Variants in IFTAP observed in about 807,000 individuals in gnomAD.
The protein encoded by IFTAP is intraflagellar transport associated protein.
In IFTAP, 19 loss-of-function variants were observed where a neutral mutation model predicts 19.4. The ratio of observed to expected loss-of-function variants is 0.98; its 90% CI spans 0.68 to 1.44. The LOEUF (loss-of-function observed/expected upper bound fraction) is 1.44. Ranked by LOEUF, IFTAP falls within the 40% of genes most tolerant of loss-of-function variation. IFTAP has a pLI of 0.00. For missense variants in IFTAP, 240 were observed against 253.6 expected (o/e 0.95, Z 0.36); for synonymous variants, 85 against 83.5 (o/e 1.02, Z -0.10).
chr11:36,631,620 G>T (rs569276125), intron 2 of IFTAP, among the ~76,000 whole-genome samples: 4 of 151,094 alleles, frequency 2.6e-5, no homozygotes, highest in Non-Finnish European at 5.9e-5. Flanking sequence ...TGCTGGGTTA[G>T]GCTATCTGTA....
intron 1 of IFTAP, among the ~76,000 whole-genome samples, chr11:36,606,456 A>AATAC (rs1418044892): frequency 6.6e-6 from 1 of 152,032 alleles, no homozygotes; most frequent in Admixed American, 6.5e-5. Flanking sequence ...TAAATAAATA[A>AATAC]ATAAATAGTC....
chr11:36,608,572 A>G (rs1047614801), intron 1 of IFTAP, among the ~76,000 whole-genome samples: 1 of 151,716 alleles, frequency 6.6e-6, no homozygotes, highest in Non-Finnish European at 1.5e-5. Context: ...GTGAAATATC[A>G]TAAGTGAAAA....
At chr11:36,638,507 C>T (rs1853054571) in intron 4 of IFTAP, among the ~76,000 whole-genome samples, 2 of 152,144 alleles carry the variant, frequency 1.3e-5, no homozygotes, top group South Asian at 4.1e-4. Context: ...CTGAAAAGGC[C>T]ACCAGGGCTT....
intron 2 of IFTAP, among the ~76,000 whole-genome samples, chr11:36,626,921 G>T (rs763855137): frequency 6.6e-6 from 1 of 150,962 alleles, no homozygotes; most frequent in African/African-American, 2.5e-5. Flanking sequence ...AATTAAGGGG[G>T]TACAGAATGT....
At chr11:36,651,751 T>A (rs192480264) in intron 5 of IFTAP, among the ~76,000 whole-genome samples, 12 of 152,236 alleles carry the variant, frequency 7.9e-5, no homozygotes, top group Middle Eastern at 3.4e-3. Context: ...GAAGGGATCC[T>A]GTTTCAGCTT....
chr11:36,643,797 G>A (rs1373394084), intron 4 of IFTAP, among the ~76,000 whole-genome samples: 2 of 152,194 alleles, frequency 1.3e-5, no homozygotes, highest in Non-Finnish European at 2.9e-5. Flanking sequence ...CTAGCCATAT[G>A]TGGAAAGCTG....
At chr11:36,610,004 A>G (rs1200708209) in intron 1 of IFTAP, 77 bp from the exon 2 acceptor site, 23 of 1,343,140 alleles carry the variant, frequency 1.7e-5, no homozygotes, top group Non-Finnish European at 2.4e-5. Flanking sequence ...GGAATTTTTC[A>G]ACCTACCCAT....
intron 3 of IFTAP, 31 bp from the exon 4 acceptor site, chr11:36,636,020 G>T: frequency 6.7e-7 from 1 of 1,493,648 alleles, no homozygotes. Flanking sequence ...GGTCTATTCT[G>T]CTTAAAAATT....
chr11:36,638,416 G>A (rs578100797), intron 4 of IFTAP, among the ~76,000 whole-genome samples: 9 of 152,118 alleles, frequency 5.9e-5, no homozygotes, highest in African/African-American at 1.4e-4. Context: ...GAATGAACTC[G>A]TCAAGACCTT....
rs766914424 is a variant in IFTAP at position 36,636,078 on chromosome 11, T to C, written c.319T>C (p.Leu107=). The C allele has an allele frequency of 2.2e-5, 36 of 1,609,266 alleles. No homozygotes were observed. The Middle Eastern group carries it at 3.1e-3, about 141-fold the overall frequency. ...AGATAATTTCCTAGATTTAGAAGAT[T>C]TGGACATGGATGAAGAGATTAAACC... ...QVDNFLDLED[L]DMDEEIKPQM... Residue 107 remains leucine (L), a synonymous_variant, in exon 4 of 6, where the codon TTG becomes CTG. Transcript: ENST00000334307.
intron 2 of IFTAP, among the ~76,000 whole-genome samples, chr11:36,622,328 A>G (rs1852329081): frequency 6.6e-6 from 1 of 152,104 alleles, no homozygotes; most frequent in Non-Finnish European, 1.5e-5. Context: ...AACTTTCTCC[A>G]GTGTAGGTGA....
At chr11:36,635,874 G>C (rs757142506) in intron 3 of IFTAP, among the ~76,000 whole-genome samples, 177 bp from the exon 4 acceptor site, 1 of 152,138 alleles carries the variant, frequency 6.6e-6, no homozygotes, top group Non-Finnish European at 1.5e-5. Context: ...GCTTCTTTCA[G>C]ATGTCTCTTG....
chr11:36,603,523 A>G (rs1851581825), intron 1 of IFTAP, among the ~76,000 whole-genome samples: 1 of 152,230 alleles, frequency 6.6e-6, no homozygotes, highest in South Asian at 2.1e-4. Flanking sequence ...GGGAGGGCCC[A>G]TGCAGCCTTG....
intron 5 of IFTAP, among the ~76,000 whole-genome samples, chr11:36,656,046 GATATT>G (rs1853970110): frequency 6.6e-6 from 1 of 152,148 alleles, no homozygotes; most frequent in Non-Finnish European, 1.5e-5. Flanking sequence ...CATAAGTTTG[GATATT>G]ATAGCCACAA....
chr11:36,659,089 C>G lies in IFTAP; in HGVS notation c.569C>G (p.Ser190Cys). The change falls in exon 6 of 6, where the codon TCC becomes TGC. Residue 190 changes from serine (S) to cysteine (C), a missense_variant. Coordinates refer to ENST00000334307, the MANE Select transcript of IFTAP (RefSeq NM_138787.4). ...EFDYDNVMLT[S>C]KFSPAEIENI... ...GATTATGACAATGTGATGCTAACCT[C>G]CAAGTTTAGTCCTGCAGAGATAGAG... 1 of 1,609,774 alleles carries G rather than the reference C, an allele frequency of 6.2e-7. No homozygotes were observed. Among genetic ancestry groups the G allele is most frequent in the Non-Finnish European group, 8.5e-7 (1 of 1,177,798 alleles).
intron 2 of IFTAP, among the ~76,000 whole-genome samples, chr11:36,614,978 A>T (rs1216585168): frequency 7.0e-6 from 1 of 143,678 alleles, no homozygotes; most frequent in Non-Finnish European, 1.5e-5. Context: ...GGTGTTTCAG[A>T]CATGAAGTCC....
chr11:36,601,242 G>A (rs772567634), intron 1 of IFTAP, among the ~76,000 whole-genome samples: 3 of 152,176 alleles, frequency 2.0e-5, no homozygotes, highest in South Asian at 2.1e-4. Context: ...GAGGAAATAA[G>A]ATAAATTGTG....
chr11:36,643,478 C>T (rs1292936275), intron 4 of IFTAP, among the ~76,000 whole-genome samples: 1 of 152,164 alleles, frequency 6.6e-6, no homozygotes, highest in African/African-American at 2.4e-5. Context: ...TAACTTTCTT[C>T]ATATAATTGG....
chr11:36,613,961 A>C (rs1851969623), intron 2 of IFTAP, among the ~76,000 whole-genome samples: 2 of 150,980 alleles, frequency 1.3e-5, no homozygotes, highest in South Asian at 4.2e-4. Context: ...GTACATGTGC[A>C]CATTGTGCAG....
Sources: gnomAD v4.1 joint callset for allele counts (sites outside exome capture counted in the v4.1 genomes callset) on GRCh38, gnomAD v4.1.1 for gene constraint, MANE v1.5 for transcripts, NCBI Gene and HGNC (gene_info 2026-07-23, HGNC 2026-07-21) for gene names.